Variants in GALNT13 observed in about 807,000 individuals in gnomAD.
GALNT13 encodes UDP-GalNAc:polypeptide N-acetylgalactosaminyltransferase 13.
In GALNT13, 28 loss-of-function variants were observed where a neutral mutation model predicts 64.2. The observed-to-expected ratio is 0.44, with a 90% CI of 0.32 to 0.60. The LOEUF is 0.60. Ranked by LOEUF, GALNT13 falls within the 20% of genes least tolerant of loss-of-function variation. GALNT13 has a pLI of 0.05. For missense variants in GALNT13, 577 were observed against 669.8 expected, an observed-to-expected ratio of 0.86 and a Z score of 1.53; for synonymous variants, 214 against 224.6, an observed-to-expected ratio of 0.95 and a Z score of 0.42.
At chr2:153,420,766 C>T in the GALNT13 span, 1 of 231,218 alleles carries the variant, frequency 4.3e-6, no homozygotes, top group Non-Finnish European at 9.6e-6. Context: ...TCAGAAAATG[C>T]TTCTTCTCCC....
chr2:153,881,373 C>A (rs1686773222), intron 1 of GALNT13, among the ~76,000 whole-genome samples: 1 of 152,112 alleles, frequency 6.6e-6, no homozygotes, highest in Admixed American at 6.6e-5. Flanking sequence ...TTCTGTGGTA[C>A]CCACTGTCAG....
At chr2:153,332,537 T>G in the GALNT13 span, among the ~76,000 whole-genome samples, 2 of 151,298 alleles carry the variant, frequency 1.3e-5, no homozygotes, top group Admixed American at 6.6e-5. Context: ...GAGTATTGTT[T>G]TTTTTTTTTT....
chr2:153,582,814 T>C, the GALNT13 span, among the ~76,000 whole-genome samples: 2 of 152,302 alleles, frequency 1.3e-5, no homozygotes, highest in East Asian at 1.9e-4. Context: ...TTTCAGTCTA[T>C]GGGATGCCTC....
At chr2:154,285,801 T>C (rs1174936883) in intron 8 of GALNT13, among the ~76,000 whole-genome samples, 1 of 152,214 alleles carries the variant, frequency 6.6e-6, no homozygotes, top group Non-Finnish European at 1.5e-5. Context: ...TAGATTACTT[T>C]AGGTAATATG....
the GALNT13 span, among the ~76,000 whole-genome samples, chr2:153,346,625 A>G: frequency 6.6e-6 from 1 of 152,202 alleles, no homozygotes; most frequent in Non-Finnish European, 1.5e-5. Context: ...TTATGATCCA[A>G]AGTGTTCTTA....
the GALNT13 span, among the ~76,000 whole-genome samples, chr2:153,494,327 T>C: frequency 3.9e-5 from 6 of 152,050 alleles, no homozygotes; most frequent in Admixed American, 2.6e-4. Context: ...CAAAATGACC[T>C]AGAATACTGC....
chr2:153,292,185 G>A, the GALNT13 span, among the ~76,000 whole-genome samples: 3 of 152,202 alleles, frequency 2.0e-5, no homozygotes, highest in Non-Finnish European at 4.4e-5. Flanking sequence ...CAAAGGATGT[G>A]AACCATTAGC....
At chr2:154,291,115 T>G (rs1220503769) in intron 8 of GALNT13, among the ~76,000 whole-genome samples, 2 of 152,136 alleles carry the variant, frequency 1.3e-5, no homozygotes, top group African/African-American at 4.8e-5. Context: ...TTGCCGCGGC[T>G]GGCTTGGGTG....
At chr2:153,320,705 G>A in the GALNT13 span, among the ~76,000 whole-genome samples, 1 of 152,172 alleles carries the variant, frequency 6.6e-6, no homozygotes, top group Non-Finnish European at 1.5e-5. Context: ...GCTGAAGTGA[G>A]ATGATGACTG....
At chr2:154,436,380 T>C (rs1352068888) in intron 11 of GALNT13, 30 of 152,196 alleles carry the variant, frequency 2.0e-4, no homozygotes. Flanking sequence ...CAGGTACTGT[T>C]TCCAAACTAT....
chr2:153,173,228 G>C, the GALNT13 span: 2 of 152,160 alleles, frequency 1.3e-5, no homozygotes, highest in Admixed American at 1.3e-4. Flanking sequence ...ATGGGGGTGT[G>C]TTGGGTGCTT....
the GALNT13 span, among the ~76,000 whole-genome samples, chr2:153,464,245 C>T: frequency 2.6e-5 from 4 of 152,010 alleles, no homozygotes; most frequent in Non-Finnish European, 4.4e-5. Context: ...CCTGAGCACC[C>T]GTTTTGTATG....
At chr2:153,663,635 C>G in the GALNT13 span, among the ~76,000 whole-genome samples, 1 of 152,124 alleles carries the variant, frequency 6.6e-6, no homozygotes, top group Non-Finnish European at 1.5e-5. Flanking sequence ...GAAAAATTTT[C>G]TGCAGCTCCA....
chr2:153,439,697 A>G, the GALNT13 span, among the ~76,000 whole-genome samples: 10 of 152,022 alleles, frequency 6.6e-5, no homozygotes, highest in Non-Finnish European at 1.0e-4. Context: ...GAGTGACCCA[A>G]TTTTCCAGGT....
chr2:153,273,130 G>T, the GALNT13 span, among the ~76,000 whole-genome samples: 1 of 151,146 alleles, frequency 6.6e-6, no homozygotes, highest in South Asian at 2.1e-4. Context: ...GGCCTGTCAG[G>T]GGGTGAGGGG....
the GALNT13 span, among the ~76,000 whole-genome samples, chr2:153,219,903 G>A: frequency 1.3e-5 from 2 of 152,188 alleles, no homozygotes; most frequent in African/African-American, 4.8e-5. Context: ...AATATTTAGT[G>A]CAATTGTTAA....
chr2:153,915,333 A>T (rs539970585), intron 2 of GALNT13, among the ~76,000 whole-genome samples: 1 of 152,044 alleles, frequency 6.6e-6, no homozygotes, highest in Non-Finnish European at 1.5e-5. Context: ...ACTGGTCTCT[A>T]CTCTGGACTG....
chr2:153,378,739 A>G, the GALNT13 span, among the ~76,000 whole-genome samples: 20 of 152,264 alleles, frequency 1.3e-4, no homozygotes, highest in African/African-American at 3.9e-4. Flanking sequence ...TGAAAAATAT[A>G]ATAAGGGCTC....
the GALNT13 span, among the ~76,000 whole-genome samples, chr2:153,825,607 G>GGTGTGTGTGTGT: frequency 1.9e-4 from 22 of 114,824 alleles, no homozygotes; most frequent in African/African-American, 6.6e-4. Context: ...TTCCATGAGT[G>GGTGTGTGTGTGT]CTGTGTGTGT....
Sources: gnomAD v4.1 joint callset for allele counts (sites outside exome capture counted in the v4.1 genomes callset) on GRCh38, gnomAD v4.1.1 for gene constraint, MANE v1.5 for transcripts, NCBI Gene and HGNC (gene_info 2026-07-23, HGNC 2026-07-21) for gene names.